Variants in RP1 observed in about 807,000 individuals in gnomAD.
RP1 encodes RP1 axonemal microtubule associated.
RP1 carries 16 observed loss-of-function variants against 14.8 expected under a neutral mutation model. The ratio of observed to expected loss-of-function variants is 1.08; its 90% CI spans 0.73 to 1.65. The LOEUF is 1.65. Among genes scored for constraint, RP1 ranks in the 40% most tolerant of loss-of-function variants. RP1 has a pLI of 0.00. For missense variants in RP1, 2,631 were observed against 2,535.0 expected (o/e 1.04, Z -0.81); for synonymous variants, 876 against 883.6 (o/e 0.99, Z 0.15).
intron 19 of RP1, among the ~76,000 whole-genome samples, chr8:54,745,454 A>C (rs1809199138): frequency 2.6e-5 from 4 of 152,174 alleles, no homozygotes; most frequent in Admixed American, 2.6e-4. Context: ...AAATTTTTAA[A>C]AGTAATCCAG....
intron 22 of RP1, among the ~76,000 whole-genome samples, chr8:54,764,075 C>G (rs867116107): frequency 1.3e-5 from 2 of 152,214 alleles, no homozygotes; most frequent in Non-Finnish European, 2.9e-5. Context: ...GCCCTTTTCA[C>G]GGTCCTCAGC....
Position 54,567,257 on chromosome 8 carries a change from G to A in RP1, c.-13+7937G>A, listed in dbSNP as rs190411816. On this transcript the variant is annotated intron_variant, in intron 1 of 22. Coordinates refer to the RP1 transcript ENST00000636932. ...TGTCAGTCTCTCAGTCGCGGAATGT[G>A]CACTGTTACCATCAGCTAAGGGCTT... 1.8e-3 allele frequency among the ~76,000 whole-genome samples: 276 copies of A among 152,284 alleles called. 2 individuals carry two copies. Among genetic ancestry groups the A allele is most frequent in the African/African-American group, 6.4e-3 (267 of 41,556 alleles).
At chr8:54,631,601 T>G (rs1806246763), downstream of RP1, among the ~76,000 whole-genome samples, 1 of 152,016 alleles carries the variant, frequency 6.6e-6, no homozygotes, top group Non-Finnish European at 1.5e-5. Flanking sequence ...CATGACTGGT[T>G]TACAGTAGGG....
At chr8:54,787,211 TAAACATCCTCAGGA>T (rs1810340128) in intron 24 of RP1, among the ~76,000 whole-genome samples, 1 of 152,072 alleles carries the variant, frequency 6.6e-6, no homozygotes, top group African/African-American at 2.4e-5. Flanking sequence ...TGAAGGAAAT[TAAACATCCTCAGGA>T]AAACAATCAA....
chr8:54,644,150 A>G lies in RP1; in HGVS notation c.788-4835A>G, dbSNP rs538004449. Among the ~76,000 whole-genome samples the G allele has an allele frequency of 3.3e-5, 5 of 152,324 alleles. No individual in the cohort carries two copies. The South Asian group carries it at 8.3e-4, about 25-fold the overall frequency. ...ACAAATTATTTGTTTCTAAAATGCAATGATGGGACAGGCATAGGATAAGTA... is the reference window on the plus strand; with the variant it reads ...ACAAATTATTTGTTTCTAAAATGCAGTGATGGGACAGGCATAGGATAAGTA... On this transcript the variant is annotated intron_variant, in intron 3 of 22. Coordinates refer to the RP1 transcript ENST00000636932.
intron 19 of RP1, among the ~76,000 whole-genome samples, chr8:54,747,159 C>A (rs1451987397): frequency 2.6e-5 from 4 of 152,140 alleles, no homozygotes; most frequent in African/African-American, 9.7e-5. Flanking sequence ...CTATGATAGG[C>A]TTCCAGCTTC....
chr8:54,616,369 C>A (rs1415994700), intron 1 of RP1, among the ~76,000 whole-genome samples, 167 bp downstream of exon 1: 1 of 152,182 alleles, frequency 6.6e-6, no homozygotes, highest in Non-Finnish European at 1.5e-5. Flanking sequence ...ATGCCAGCAA[C>A]CTTCACAATA....
chr8:54,750,707 G>A (rs1302062503), intron 19 of RP1, among the ~76,000 whole-genome samples: 5 of 149,518 alleles, frequency 3.3e-5, no homozygotes, highest in East Asian at 1.9e-4. Context: ...GCACCAATTA[G>A]TGCTCTATAA....
At chr8:54,831,049 T>C (rs1811510215) in intron 24 of RP1, among the ~76,000 whole-genome samples, 1 of 152,140 alleles carries the variant, frequency 6.6e-6, no homozygotes. Context: ...CTTCTTTTTA[T>C]GGCTGAATAA....
chr8:54,779,553 T>C (rs1356027556), intron 23 of RP1, among the ~76,000 whole-genome samples: 9 of 152,164 alleles, frequency 5.9e-5, no homozygotes, highest in Non-Finnish European at 1.3e-4. Context: ...CAAATGCATG[T>C]AACCCTGTAA....
chr8:54,721,872 G>T (rs1214565607), intron 16 of RP1, among the ~76,000 whole-genome samples: 1 of 152,186 alleles, frequency 6.6e-6, no homozygotes, highest in Non-Finnish European at 1.5e-5. Context: ...TTCACAAGAA[G>T]AGCATTCCAT....
At chr8:54,802,363 A>C (rs1810733638) in intron 24 of RP1, among the ~76,000 whole-genome samples, 1 of 152,226 alleles carries the variant, frequency 6.6e-6, no homozygotes, top group Non-Finnish European at 1.5e-5. Context: ...TGGATCCATA[A>C]AAGACTGTTT....
intron 17 of RP1, among the ~76,000 whole-genome samples, chr8:54,728,537 T>G (rs916350608): frequency 4.6e-5 from 7 of 152,194 alleles, no homozygotes; most frequent in Admixed American, 4.6e-4. Context: ...AATGAGAAAT[T>G]ATAGACAAAA....
At chr8:54,823,948 T>C (rs1217952566) in intron 24 of RP1, among the ~76,000 whole-genome samples, 1 of 152,198 alleles carries the variant, frequency 6.6e-6, no homozygotes, top group Non-Finnish European at 1.5e-5. Flanking sequence ...CTGCAAGCAT[T>C]TGATAGTCAC....
At chr8:54,569,747 G>A (rs1452025766) in intron 1 of RP1, among the ~76,000 whole-genome samples, 1 of 152,212 alleles carries the variant, frequency 6.6e-6, no homozygotes, top group Non-Finnish European at 1.5e-5. Context: ...GTGAACAAAA[G>A]GGACACTATC....
rs1330398034 is a variant in RP1 at position 54,600,216 on chromosome 8, T to C, written c.-12-20739T>C. Among the ~76,000 whole-genome samples, 4 of 152,000 alleles carry C rather than the reference T, an allele frequency of 2.6e-5. No individual in the cohort carries two copies. The South Asian group carries it at 8.3e-4, about 32-fold the overall frequency. ...GATCTGATGGTTTTATAAAGGGGAG[T>C]TTCCCTGCATAAGCTCTGTCTCTTG... On this transcript the variant is annotated intron_variant, in intron 1 of 22. Transcript: ENST00000636932.
intron 1 of RP1, among the ~76,000 whole-genome samples, chr8:54,563,937 C>T (rs1367642605): frequency 6.6e-6 from 1 of 152,204 alleles, no homozygotes; most frequent in Non-Finnish European, 1.5e-5. Context: ...CAACAAAGGA[C>T]TAATCCGTGT....
rs977836113 is a variant in RP1, at chr8:54,733,975, G to A, written c.2522-570G>A. 7.6e-4 allele frequency among the ~76,000 whole-genome samples: 115 copies of A among 152,146 alleles called. 4 individuals are homozygous for A. Among genetic ancestry groups the A allele is most frequent in the Admixed American group, 2.0e-4 (3 of 15,274 alleles). On this transcript the variant is annotated intron_variant, in intron 17 of 22. Transcript: ENST00000636932. ...AGTGCTTTGCATCCCTGCTGTCATGGACAACTGCTCTGAGCACCTCAGGAA... is the reference window on the plus strand; with the variant it reads ...AGTGCTTTGCATCCCTGCTGTCATGAACAACTGCTCTGAGCACCTCAGGAA...
At chr8:54,651,015 A>G (rs932471496) in intron 4 of RP1, among the ~76,000 whole-genome samples, 1 of 150,456 alleles carries the variant, frequency 6.6e-6, no homozygotes, top group South Asian at 2.1e-4. Flanking sequence ...TCAAATGTGC[A>G]TGTGTGTGTG....
Sources: allele counts gnomAD v4.1 joint callset (sites outside exome capture counted in the v4.1 genomes callset), GRCh38; gene constraint gnomAD v4.1.1; transcripts MANE v1.5; gene names NCBI Gene and HGNC (gene_info 2026-07-23, HGNC 2026-07-21).